Variants in RNLS observed in about 807,000 individuals in gnomAD.
The protein encoded by RNLS is renalase.
In RNLS, 39 loss-of-function variants were observed where a neutral mutation model predicts 39.8. The observed-to-expected ratio is 0.98, with a 90% confidence interval of 0.76 to 1.28. The LOEUF is 1.28. Ranked by LOEUF, RNLS falls within the 50% of genes most tolerant of loss-of-function variation. RNLS has a pLI of 0.00. For missense variants in RNLS, 410 were observed against 413.3 expected, an observed-to-expected ratio of 0.99 and a Z score of 0.07; for synonymous variants, 147 against 150.7, an observed-to-expected ratio of 0.98 and a Z score of 0.18.
intron 4 of RNLS, among the ~76,000 whole-genome samples, chr10:88,420,421 A>C (rs1307474977): frequency 6.6e-6 from 1 of 152,190 alleles, no homozygotes; most frequent in Non-Finnish European, 1.5e-5. Context: ...ATTCTTACAC[A>C]GTTTTGGAAG....
chr10:88,461,293 T>C (rs1842924465), intron 4 of RNLS, among the ~76,000 whole-genome samples: 1 of 152,078 alleles, frequency 6.6e-6, no homozygotes, highest in South Asian at 2.1e-4. Flanking sequence ...GTGTTTTTGG[T>C]TGGGCTCTGC....
the RNLS span, among the ~76,000 whole-genome samples, chr10:88,233,049 G>T: frequency 1.3e-5 from 2 of 152,168 alleles, no homozygotes; most frequent in African/African-American, 4.8e-5. Flanking sequence ...CTGATGTTTC[G>T]CAGGAGGAAG....
chr10:88,258,213 G>A, the RNLS span, among the ~76,000 whole-genome samples: 1 of 152,142 alleles, frequency 6.6e-6, no homozygotes, highest in African/African-American at 2.4e-5. Context: ...AGGGCATAAA[G>A]GGTACTTTAT....
chr10:88,338,946 G>T (rs1260598782), intron 5 of RNLS, among the ~76,000 whole-genome samples: 1 of 151,838 alleles, frequency 6.6e-6, no homozygotes, highest in African/African-American at 2.4e-5. Context: ...TATTTTTAGT[G>T]GAGACGGGGT....
chr10:88,276,799 C>T lies in RNLS; in HGVS notation c.877-1767G>A, dbSNP rs571356610. On this transcript the variant is annotated intron_variant, in intron 6 of 6. Coordinates refer to the RNLS transcript ENST00000371947. ...ACTTAAAATTATTTTTTCAGGTTAA[C>T]GAAATCCCACTGTGATTTTGTGCAA... Among the ~76,000 whole-genome samples, 12 of 152,182 alleles carry T rather than the reference C, an allele frequency of 7.9e-5. No individual in the cohort carries two copies. The South Asian group carries it at 1.5e-3, about 18-fold the overall frequency.
chr10:88,219,459 T>C, the RNLS span, among the ~76,000 whole-genome samples: 13 of 152,226 alleles, frequency 8.5e-5, no homozygotes, highest in African/African-American at 3.1e-4. Flanking sequence ...TACAAACAGC[T>C]CCCCTGACTT....
intron 5 of RNLS, among the ~76,000 whole-genome samples, chr10:88,330,155 C>T (rs117269016): frequency 2.5e-4 from 37 of 148,392 alleles, no homozygotes; most frequent in South Asian, 1.9e-3. Context: ...TTATCTCTCT[C>T]TATATATATT....
At chr10:88,281,612 G>C (rs1352739740), downstream of RNLS, among the ~76,000 whole-genome samples, 1 of 152,120 alleles carries the variant, frequency 6.6e-6, no homozygotes, top group Non-Finnish European at 1.5e-5. Context: ...TACAAGTCAT[G>C]TTTTAGTTTA....
At position 88,459,535 on chromosome 10, in the gene RNLS, C is replaced by T. The variant is rs1467584018; in HGVS notation, c.527-96810G>A. On this transcript the variant is annotated intron_variant, in intron 4 of 6. Transcript: ENST00000331772. ...GTGTACCTCCGCTACTAAAACAGTC[C>T]ATGTATCCAGGGAGCTTGCTAATCA... Among the ~76,000 whole-genome samples, 5 of 152,084 alleles carry T rather than the reference C, an allele frequency of 3.3e-5. No homozygotes were observed. In the East Asian group the frequency reaches 9.6e-4, roughly 29 times the overall value.
At chr10:88,305,762 C>G (rs1356920985) in intron 6 of RNLS, among the ~76,000 whole-genome samples, 2 of 152,132 alleles carry the variant, frequency 1.3e-5, no homozygotes, top group African/African-American at 4.8e-5. Context: ...TAACATTAGG[C>G]AGATGATACA....
At chr10:88,174,596 C>T in the RNLS span, among the ~76,000 whole-genome samples, 2 of 152,114 alleles carry the variant, frequency 1.3e-5, no homozygotes, top group African/African-American at 4.8e-5. Flanking sequence ...CCTTGCATTC[C>T]TGAGTTAAAT....
the RNLS span, among the ~76,000 whole-genome samples, chr10:88,212,390 C>T: frequency 4.6e-5 from 7 of 152,162 alleles, no homozygotes; most frequent in South Asian, 1.5e-3. Context: ...GTCCTGTTGA[C>T]CAACTGTGAT....
chr10:88,382,183 C>A (rs1851565862), intron 4 of RNLS, among the ~76,000 whole-genome samples: 1 of 152,032 alleles, frequency 6.6e-6, no homozygotes, highest in Non-Finnish European at 1.5e-5. Flanking sequence ...ATTTTTTAAA[C>A]TGCCATTTCA....
chr10:88,204,247 A>C, the RNLS span, among the ~76,000 whole-genome samples: 1 of 152,110 alleles, frequency 6.6e-6, no homozygotes, highest in African/African-American at 2.4e-5. Flanking sequence ...TATTTCTGAA[A>C]GGCTTAGAAC....
At chr10:88,192,565 A>G in the RNLS span, among the ~76,000 whole-genome samples, 2 of 152,244 alleles carry the variant, frequency 1.3e-5, no homozygotes, top group South Asian at 2.1e-4. Flanking sequence ...ATTGTTTGGA[A>G]TTTTCCACAC....
intron 4 of RNLS, among the ~76,000 whole-genome samples, chr10:88,373,095 AT>A (rs1850694951): frequency 6.6e-6 from 1 of 152,188 alleles, no homozygotes; most frequent in Admixed American, 6.6e-5. Flanking sequence ...CATGAGCAAT[AT>A]AGTCATTCTA....
intron 5 of RNLS, among the ~76,000 whole-genome samples, chr10:88,328,733 T>C (rs1332989005): frequency 1.3e-5 from 2 of 152,208 alleles, no homozygotes; most frequent in Non-Finnish European, 2.9e-5. Context: ...TAAGTTTATA[T>C]GCTTTTATTG....
intron 4 of RNLS, among the ~76,000 whole-genome samples, chr10:88,509,118 T>C (rs902993695): frequency 6.6e-6 from 1 of 152,092 alleles, no homozygotes; most frequent in Non-Finnish European, 1.5e-5. Flanking sequence ...CACAGTAAAG[T>C]GATGTTGAAC....
chr10:88,563,765 A>C (rs751762642), intron 4 of RNLS, among the ~76,000 whole-genome samples: 11 of 152,166 alleles, frequency 7.2e-5, no homozygotes, highest in Non-Finnish European at 1.3e-4. Context: ...TACCCCCAAG[A>C]TCTTTATTTT....
Sources: gnomAD v4.1 joint callset for allele counts (sites outside exome capture counted in the v4.1 genomes callset) on GRCh38, gnomAD v4.1.1 for gene constraint, MANE v1.5 for transcripts, NCBI Gene and HGNC (gene_info 2026-07-23, HGNC 2026-07-21) for gene names.